Variants in NPFFR2 observed in about 807,000 individuals in gnomAD.
NPFFR2 encodes G-protein coupled receptor 74.
Under a neutral mutation model 13.1 loss-of-function variants are expected in NPFFR2, and 15 were observed. The ratio of observed to expected loss-of-function variants is 1.15; its 90% CI spans 0.77 to 1.76. The LOEUF is 1.76. Ranked by LOEUF, NPFFR2 falls within the 40% of genes most tolerant of loss-of-function variation. The pLI, the probability that NPFFR2 is intolerant of heterozygous loss-of-function variation, is 0.00. For missense variants in NPFFR2, 572 were observed against 503.5 expected (o/e 1.14, Z -1.30); for synonymous variants, 190 against 175.7 (o/e 1.08, Z -0.65).
At chr4:72,060,999 A>G (rs1198196816) in intron 1 of NPFFR2, among the ~76,000 whole-genome samples, 1 of 152,176 alleles carries the variant, frequency 6.6e-6, no homozygotes, top group Non-Finnish European at 1.5e-5. Context: ...CGACAGCAGA[A>G]AGACATTTAA....
At chr4:72,072,322 G>A (rs1720280635) in intron 1 of NPFFR2, among the ~76,000 whole-genome samples, 1 of 152,008 alleles carries the variant, frequency 6.6e-6, no homozygotes, top group Non-Finnish European at 1.5e-5. Flanking sequence ...CATGAAGAAT[G>A]CCAAGAAGTC....
intron 1 of NPFFR2, among the ~76,000 whole-genome samples, chr4:72,111,477 T>C (rs1040967671): frequency 6.6e-6 from 1 of 152,006 alleles, no homozygotes; most frequent in African/African-American, 2.4e-5. Context: ...CAACTACTTG[T>C]TGAATGCTTG....
At chr4:72,099,445 C>T (rs905995036) in intron 1 of NPFFR2, among the ~76,000 whole-genome samples, 3 of 152,126 alleles carry the variant, frequency 2.0e-5, no homozygotes, top group African/African-American at 7.2e-5. Context: ...TTAATTGGCT[C>T]AGGGTTCTGC....
intron 1 of NPFFR2, among the ~76,000 whole-genome samples, chr4:72,059,570 T>C (rs945063396): frequency 4.1e-4 from 63 of 152,098 alleles, no homozygotes; most frequent in African/African-American, 1.4e-3. Context: ...CACTAATCTC[T>C]GTAATGCCCC....
At chr4:72,103,863 T>C (rs1197474407) in intron 1 of NPFFR2, among the ~76,000 whole-genome samples, 2 of 151,968 alleles carry the variant, frequency 1.3e-5, no homozygotes, top group Non-Finnish European at 2.9e-5. Context: ...TTAAAGTGAG[T>C]CTAATCCCAA....
In NPFFR2 at chr4:72,128,691, T is replaced by C; in HGVS notation, c.100T>C (p.Tyr34His). The part of the protein sequence containing the change: ...HHLYSDINIT[Y>H]VNYYLHQPQV... ...TCTGTACTCAGATATTAATATTACC[T>C]ATGTGAACTACTATCTTCACCAGCC... Residue 34 changes from tyrosine (Y) to histidine (H), a missense_variant, in exon 2 of 4, where the codon TAT (tyrosine) becomes CAT (histidine). Physicochemically the swap from Tyr to His is moderately conservative, Grantham distance 83 (BLOSUM62 2). Coordinates refer to ENST00000308744, the MANE Select transcript of NPFFR2 (RefSeq NM_004885.3). 1 of 1,613,492 alleles carries C rather than the reference T, an allele frequency of 6.2e-7. No homozygotes were observed. The highest frequency in any genetic ancestry group is 1.1e-5 in the South Asian group (1 of 91,070).
chr4:72,062,564 G>C (rs1460302746), intron 1 of NPFFR2, among the ~76,000 whole-genome samples: 1 of 149,920 alleles, frequency 6.7e-6, no homozygotes, highest in African/African-American at 2.4e-5. Context: ...ATTCTTTCCC[G>C]TATCTATGTC....
chr4:72,045,820 A>G (rs904301188), intron 1 of NPFFR2, among the ~76,000 whole-genome samples: 1 of 152,198 alleles, frequency 6.6e-6, no homozygotes, highest in African/African-American at 2.4e-5. Context: ...TCACATGATC[A>G]TAAAGTAGAA....
intron 1 of NPFFR2, among the ~76,000 whole-genome samples, chr4:72,123,598 G>C (rs1233629894): frequency 6.6e-6 from 1 of 152,102 alleles, no homozygotes; most frequent in African/African-American, 2.4e-5. Context: ...GGGATGCAAG[G>C]CTGGTTCAAA....
At chr4:72,088,547 T>G (rs559707828) in intron 1 of NPFFR2, among the ~76,000 whole-genome samples, 1 of 152,106 alleles carries the variant, frequency 6.6e-6, no homozygotes, top group Non-Finnish European at 1.5e-5. Context: ...AGAATTGTAT[T>G]TCTTTTATTT....
intron 1 of NPFFR2, among the ~76,000 whole-genome samples, chr4:72,107,872 G>A (rs777523194): frequency 6.6e-6 from 1 of 151,964 alleles, no homozygotes; most frequent in Non-Finnish European, 1.5e-5. Context: ...TTATTTATGT[G>A]TATTTCTGGA....
At chr4:72,076,624 A>T (rs1720444726) in intron 1 of NPFFR2, among the ~76,000 whole-genome samples, 2 of 152,180 alleles carry the variant, frequency 1.3e-5, no homozygotes, top group African/African-American at 4.8e-5. Flanking sequence ...GTGTGGAAGA[A>T]TAAATGGTGG....
At chr4:72,076,149 C>A (rs927030129) in intron 1 of NPFFR2, among the ~76,000 whole-genome samples, 4 of 150,306 alleles carry the variant, frequency 2.7e-5, no homozygotes, top group Non-Finnish European at 5.9e-5. Context: ...AATGTCAAAT[C>A]TAGAAAAATA....
At chr4:72,079,037 A>C (rs548796642) in intron 1 of NPFFR2, among the ~76,000 whole-genome samples, 4 of 144,038 alleles carry the variant, frequency 2.8e-5, no homozygotes, top group African/African-American at 1.1e-4. Context: ...CATGTGTTAT[A>C]AAATGCATAG....
chr4:72,109,682 T>A (rs1721509112), intron 1 of NPFFR2, among the ~76,000 whole-genome samples: 1 of 50 alleles, frequency 0.02, no homozygotes, highest in African/African-American at 0.033. Context: ...CTTGAATTCT[T>A]CCCTAAATTC....
rs1721197912 is a variant in NPFFR2, at chr4:72,100,139, AT to A, written c.-7-28441del. On this transcript the variant is annotated intron_variant, in intron 1 of 3. Coordinates refer to ENST00000308744, the MANE Select transcript of NPFFR2 (RefSeq NM_004885.3). ...CATTTTGTCCTTCAAATTATTAATC[AT>A]TTTTCATTCTAAAGATGACTATAAG... is the stretch of plus-strand genomic sequence containing the variant. Among the ~76,000 whole-genome samples the A allele has an allele frequency of 2.0e-5, 3 of 152,156 alleles. No individual in the cohort carries two copies. The South Asian group carries it at 6.2e-4, about 31-fold the overall frequency.
Position 72,032,024 on chromosome 4 carries a change from G to C in NPFFR2, c.-184G>C. On this transcript the variant is annotated 5_prime_UTR_variant, in exon 1 of 4. Transcript: ENST00000308744. ...CACTCAGCGTCCAGCAGCGCGGCGG[G>C]CCAGCCTGGAGCGGAAGCCTGGAGT... is the stretch of plus-strand genomic sequence containing the variant. The C allele has an allele frequency of 6.2e-7, 1 of 1,613,914 alleles. No homozygotes were observed. The highest frequency in any genetic ancestry group is 1.1e-5 in the South Asian group (1 of 91,052).
chr4:72,096,573 G>A (rs768791661), intron 1 of NPFFR2, among the ~76,000 whole-genome samples: 3 of 151,680 alleles, frequency 2.0e-5, no homozygotes, highest in Non-Finnish European at 4.4e-5. Flanking sequence ...AATTCTTTTC[G>A]AGCATCTACT....
chr4:72,125,320 C>G (rs1334058277), intron 1 of NPFFR2, among the ~76,000 whole-genome samples: 1 of 152,202 alleles, frequency 6.6e-6, no homozygotes, highest in Non-Finnish European at 1.5e-5. Flanking sequence ...TGCTTTTACA[C>G]TGTTGTGGAA....
Sources: allele counts gnomAD v4.1 joint callset (sites outside exome capture counted in the v4.1 genomes callset), GRCh38; gene constraint gnomAD v4.1.1; transcripts MANE v1.5; gene names NCBI Gene and HGNC (gene_info 2026-07-23, HGNC 2026-07-21).